RSF1: variants seen among roughly 807,000 people sequenced by gnomAD.
RSF1 encodes the protein remodeling and spacing factor 1, also known as HBV pX-associated protein 8.
In RSF1, 13 loss-of-function variants were observed where a neutral mutation model predicts 145.2. The ratio of observed to expected loss-of-function variants is 0.09; its 90% CI spans 0.06 to 0.14. The LOEUF is 0.14. RSF1 is among the 10% of genes least tolerant of loss of function. RSF1 has a pLI of 1.00. For missense variants in RSF1, 1,517 were observed against 1,718.2 expected (o/e 0.88, Z 2.07); for synonymous variants, 577 against 592.6 (o/e 0.97, Z 0.38).
chr11:77,715,668 A>C (rs1960790752), intron 5 of RSF1, among the ~76,000 whole-genome samples: 1 of 152,182 alleles, frequency 6.6e-6, no homozygotes, highest in Admixed American at 6.5e-5. Flanking sequence ...AGCTGGTCTT[A>C]AACTCCTGAC....
the RSF1 span, among the ~76,000 whole-genome samples, chr11:77,858,298 A>AATT: frequency 8.6e-6 from 1 of 116,456 alleles, no homozygotes; most frequent in African/African-American, 3.4e-5. Flanking sequence ...GCGTTTAAGC[A>AATT]ATTCTTTTTT....
intron 5 of RSF1, among the ~76,000 whole-genome samples, chr11:77,711,653 G>C (rs536631628): frequency 1.3e-5 from 2 of 151,190 alleles, no homozygotes; most frequent in East Asian, 3.9e-4. Context: ...CCGGCAAGAA[G>C]AGCGAAAGTC....
Position 77,667,199 on chromosome 11 carries a change from T to C in RSF1, c.4044A>G (p.Glu1348=). ...KKPYRIESDE[E]EDFENVGKVG... ...CTTTGCCTACATTTTCAAAGTCCTCTTCCTCATCACTTTCTATCCGGTAGG... is the reference window on the plus strand; with the variant it reads ...CTTTGCCTACATTTTCAAAGTCCTCCTCCTCATCACTTTCTATCCGGTAGG... Residue 1348 remains glutamate, a synonymous_variant, in exon 16 of 16, where the codon GAA becomes GAG. Transcript: ENST00000308488. 20 of 1,614,236 alleles carry C rather than the reference T, an allele frequency of 1.2e-5. No individual in the cohort carries two copies. Among genetic ancestry groups the C allele is most frequent in the Non-Finnish European group, 1.6e-5 (19 of 1,180,046 alleles).
chr11:77,667,433 T>C lies in RSF1; in HGVS notation c.3810A>G (p.Ser1270=). The part of the protein sequence containing the change: ...DDELAKESKR[S]VRKRGRSTDE... ...CTGTGCTTCGGCCCCGCTTTCGAAC[T>C]GACCGCTTTGATTCTTTAGCTAGCT... Residue 1270 remains serine (S), a synonymous_variant, in exon 16 of 16, where the codon TCA becomes TCG. Coordinates refer to ENST00000308488, the MANE Select transcript of RSF1 (RefSeq NM_016578.4). 6.2e-7 allele frequency: 1 copy of C among 1,613,614 alleles called. No individual in the cohort carries two copies. The highest frequency in any genetic ancestry group is 8.5e-7 in the Non-Finnish European group (1 of 1,180,004).
chr11:77,727,473 C>CTTTTTTT (rs59747840), intron 4 of RSF1, among the ~76,000 whole-genome samples: 4 of 112,246 alleles, frequency 3.6e-5, no homozygotes, highest in Non-Finnish European at 5.1e-5. Context: ...ACTTCCACTA[C>CTTTTTTT]TTTTTTTTTT....
At chr11:77,766,274 T>C (rs1414502541) in intron 1 of RSF1, among the ~76,000 whole-genome samples, 3 of 152,210 alleles carry the variant, frequency 2.0e-5, no homozygotes, top group Non-Finnish European at 4.4e-5. Flanking sequence ...CACTATCTTG[T>C]AGGATACAAA....
In RSF1 at chr11:77,701,157, A is replaced by T; in HGVS notation, c.2072T>A (p.Ile691Lys). 1.2e-6 allele frequency: 2 copies of T among 1,614,112 alleles called. No individual in the cohort carries two copies. Among genetic ancestry groups the T allele is most frequent in the Middle Eastern group, 3.3e-4 (2 of 6,058 alleles). ...ACCCTTTGTCTCAGAAGGCTCCTCT[A>T]TGCCAGAGGTCTGGGCATTGTCCAG... ...DNLDNAQTSG[I>K]EEPSETKGSM... The change falls in exon 6 of 16, where the codon ATA (isoleucine) becomes AAA (lysine). Residue 691 changes from isoleucine to lysine, a missense_variant. Around this residue, in one of 12 missense-constraint regions of RSF1, gnomAD observed 579 missense variants for 553.5 expected, o/e 1.05. Coordinates refer to ENST00000308488, the MANE Select transcript of RSF1 (RefSeq NM_016578.4).
the RSF1 span, chr11:77,850,902 A>T: frequency 1.3e-5 from 2 of 151,804 alleles, no homozygotes; most frequent in South Asian, 4.2e-4. Flanking sequence ...CTCCTCTATA[A>T]CTACAATTCT....
chr11:77,798,581 T>TAAAAA (rs543236647), intron 1 of RSF1, among the ~76,000 whole-genome samples: 4 of 24,494 alleles, frequency 1.6e-4, no homozygotes, highest in African/African-American at 2.6e-4. Context: ...GACTCCATCT[T>TAAAAA]AAAAAAAAAA....
At chr11:77,737,158 A>G (rs1463718118) in intron 4 of RSF1, among the ~76,000 whole-genome samples, 1 of 152,190 alleles carries the variant, frequency 6.6e-6, no homozygotes, top group Non-Finnish European at 1.5e-5. Flanking sequence ...GAAAATGAGA[A>G]AACTATGCGA....
At chr11:77,696,030 G>A (rs182010546) in intron 7 of RSF1, among the ~76,000 whole-genome samples, 34 of 152,236 alleles carry the variant, frequency 2.2e-4, no homozygotes, top group Admixed American at 6.5e-4. Context: ...CCACTTGCTC[G>A]CAATACCCAG....
chr11:77,851,309 T>C, the RSF1 span: 1 of 152,226 alleles, frequency 6.6e-6, no homozygotes, highest in Non-Finnish European at 1.5e-5. Flanking sequence ...GTCCCAAGAA[T>C]GTTCTCTATA....
upstream of RSF1, chr11:77,820,900 A>G: frequency 1.6e-6 from 1 of 622,662 alleles, no homozygotes. Context: ...TCGAGAACCG[A>G]GTCAGACGGG....
At chr11:77,801,452 C>T (rs749003930) in intron 1 of RSF1, among the ~76,000 whole-genome samples, 2 of 152,094 alleles carry the variant, frequency 1.3e-5, no homozygotes, top group African/African-American at 4.8e-5. Context: ...AATACATATT[C>T]GATCTTTGCT....
intron 2 of RSF1, among the ~76,000 whole-genome samples, chr11:77,757,571 G>A (rs1249879890): frequency 6.6e-6 from 1 of 152,160 alleles, no homozygotes; most frequent in African/African-American, 2.4e-5. Flanking sequence ...CCAGCTACTT[G>A]GGAGGCCAAG....
upstream of RSF1, among the ~76,000 whole-genome samples, chr11:77,825,203 C>T (rs942579161): frequency 2.6e-5 from 4 of 151,772 alleles, no homozygotes; most frequent in African/African-American, 4.8e-5. Flanking sequence ...AGGATGGTCT[C>T]GATCTCCTGA....
rs554578558 is a variant in RSF1, at chr11:77,698,811, A to G, written c.2509-118T>C. The G allele has an allele frequency of 3.6e-5, 28 of 788,488 alleles. No homozygotes were observed. In the South Asian group the frequency reaches 4.9e-4, roughly 14 times the overall value. 48.8% of individuals were successfully genotyped at this position (788,488 alleles called of 1,614,324 possible). On this transcript the variant is annotated intron_variant, in intron 6 of 15. Coordinates refer to ENST00000308488, the MANE Select transcript of RSF1 (RefSeq NM_016578.4). Reference sequence around the variant, plus strand: ...CCAATATACCAAAAAAAGAGGAGAAAATTATTATAGTCTCATCATCAGATA... The same window carrying G: ...CCAATATACCAAAAAAAGAGGAGAAGATTATTATAGTCTCATCATCAGATA...
intron 1 of RSF1, among the ~76,000 whole-genome samples, chr11:77,797,471 G>A (rs1948584372): frequency 6.6e-6 from 1 of 152,154 alleles, no homozygotes; most frequent in South Asian, 2.1e-4. Flanking sequence ...GCAGAAAACT[G>A]AAACTGGACT....
chr11:77,725,941 A>C (rs192879603), intron 4 of RSF1, among the ~76,000 whole-genome samples: 191 of 152,308 alleles, frequency 1.3e-3, no homozygotes, highest in African/African-American at 4.4e-3. Flanking sequence ...ATGACAATGA[A>C]TATCTCTTGG....
Sources: gnomAD v4.1 joint callset for allele counts (sites outside exome capture counted in the v4.1 genomes callset) on GRCh38, gnomAD v4.1.1 for gene constraint, gnomAD v4.1.1 regional missense constraint, MANE v1.5 for transcripts, NCBI Gene and HGNC (gene_info 2026-07-23, HGNC 2026-07-21) for gene names.